FOXP1: variants seen among roughly 807,000 people sequenced by gnomAD.
FOXP1 encodes forkhead box P1.
Under a neutral mutation model 98.2 loss-of-function variants are expected in FOXP1, and 15 were observed. The ratio of observed to expected loss-of-function variants is 0.15; its 90% CI spans 0.10 to 0.24. The LOEUF (loss-of-function observed/expected upper bound fraction) is 0.24. FOXP1 is among the 10% of genes least tolerant of loss of function. The pLI is 1.00. For missense variants in FOXP1, 633 were observed against 848.5 expected, an observed-to-expected ratio of 0.75 and a Z score of 3.15; for synonymous variants, 371 against 314.5, an observed-to-expected ratio of 1.18 and a Z score of -1.90.
intron 3 of FOXP1, among the ~76,000 whole-genome samples, chr3:71,460,285 G>T (rs770218999): frequency 6.6e-6 from 1 of 151,996 alleles, no homozygotes; most frequent in Non-Finnish European, 1.5e-5. Flanking sequence ...TATCACCCAA[G>T]CTGGAATGCA....
chr3:71,073,972 C>T (rs1478156677), intron 7 of FOXP1, among the ~76,000 whole-genome samples: 1 of 152,178 alleles, frequency 6.6e-6, no homozygotes, highest in Non-Finnish European at 1.5e-5. Context: ...GCAGGAAATC[C>T]TCTAAAGAAG....
At chr3:71,525,036 T>G (rs1381529095) in intron 2 of FOXP1, among the ~76,000 whole-genome samples, 2 of 152,214 alleles carry the variant, frequency 1.3e-5, no homozygotes, top group African/African-American at 4.8e-5. Flanking sequence ...GATTCAGGCT[T>G]TATTACTCAA....
intron 5 of FOXP1, chr3:71,296,170 T>C (rs1346301729): frequency 6.6e-6 from 1 of 152,238 alleles, no homozygotes; most frequent in Non-Finnish European, 1.5e-5. Context: ...GTTATTCCCA[T>C]AGTACCTTTG....
chr3:71,339,368 A>G (rs2076876881), intron 4 of FOXP1, among the ~76,000 whole-genome samples: 1 of 152,222 alleles, frequency 6.6e-6, no homozygotes, highest in Admixed American at 6.5e-5. Context: ...GAGCATTTCA[A>G]CCACAAACCT....
chr3:71,535,056 G>A (rs932816616), intron 2 of FOXP1, among the ~76,000 whole-genome samples: 2 of 152,134 alleles, frequency 1.3e-5, no homozygotes, highest in Non-Finnish European at 2.9e-5. Context: ...CTTGGAGAAG[G>A]AGCAGGGAAG....
chr3:71,198,125 A>G (rs2063407896), intron 6 of FOXP1, 77 bp downstream of exon 6: 4 of 1,608,902 alleles, frequency 2.5e-6, no homozygotes. Flanking sequence ...TGATCGCGAG[A>G]TCGCGATTAA....
At chr3:71,153,027 G>A (rs1193362752) in intron 6 of FOXP1, among the ~76,000 whole-genome samples, 1 of 152,204 alleles carries the variant, frequency 6.6e-6, no homozygotes, top group Non-Finnish European at 1.5e-5. Context: ...AGAGCCCCAC[G>A]CTGGTCCATC....
chr3:71,116,096 T>C (rs2058357053), intron 6 of FOXP1, among the ~76,000 whole-genome samples: 1 of 152,182 alleles, frequency 6.6e-6, no homozygotes, highest in African/African-American at 2.4e-5. Flanking sequence ...AAGGAAAGTA[T>C]AGAACTTAAG....
At chr3:71,282,575 C>T (rs565376597) in intron 5 of FOXP1, among the ~76,000 whole-genome samples, 3 of 152,120 alleles carry the variant, frequency 2.0e-5, no homozygotes, top group African/African-American at 7.2e-5. Flanking sequence ...TCCTCAACTA[C>T]TTCACAGGGG....
chr3:71,414,305 C>T (rs2083028496), intron 3 of FOXP1, among the ~76,000 whole-genome samples: 1 of 152,348 alleles, frequency 6.6e-6, no homozygotes, highest in South Asian at 2.1e-4. Flanking sequence ...TGCAACAAGG[C>T]CACCGTCCTG....
intron 5 of FOXP1, among the ~76,000 whole-genome samples, chr3:71,231,284 T>C (rs748461961): frequency 5.3e-5 from 8 of 152,312 alleles, no homozygotes; most frequent in Non-Finnish European, 1.0e-4. Flanking sequence ...TGAGACATGA[T>C]AGCACCTGCA....
At chr3:71,349,698 T>C (rs1205490736) in intron 4 of FOXP1, among the ~76,000 whole-genome samples, 3 of 152,142 alleles carry the variant, frequency 2.0e-5, no homozygotes, top group Non-Finnish European at 4.4e-5. Flanking sequence ...AGTAGCTAAA[T>C]GGACATAACT....
intron 2 of FOXP1, among the ~76,000 whole-genome samples, chr3:71,552,150 G>C (rs906516318): frequency 1.3e-5 from 2 of 152,100 alleles, no homozygotes; most frequent in Non-Finnish European, 2.9e-5. Flanking sequence ...CAGTATTACT[G>C]AACATTATTC....
chr3:71,422,870 GCACA>G (rs376261519), intron 3 of FOXP1, among the ~76,000 whole-genome samples: 9 of 151,026 alleles, frequency 6.0e-5, no homozygotes, highest in African/African-American at 2.2e-4. Context: ...ACACAAGCGC[GCACA>G]CACACACACA....
intron 5 of FOXP1, chr3:71,288,289 A>G (rs1355577372): frequency 6.6e-6 from 1 of 152,216 alleles, no homozygotes; most frequent in African/African-American, 2.4e-5. Flanking sequence ...ATATAGAGAT[A>G]ATGTGTGTTT....
At chr3:71,279,788 C>A (rs2071314702) in intron 5 of FOXP1, among the ~76,000 whole-genome samples, 2 of 151,964 alleles carry the variant, frequency 1.3e-5, no homozygotes, top group Non-Finnish European at 2.9e-5. Context: ...ATACTCCTGG[C>A]AAGAGAAAAC....
rs970938558 is a variant in FOXP1 at position 71,529,454 on chromosome 3, T to C, written c.-297-35899A>G. 3.3e-5 allele frequency among the ~76,000 whole-genome samples: 5 copies of C among 152,192 alleles called. No individual in the cohort carries two copies. The South Asian group carries it at 6.2e-4, about 19-fold the overall frequency. On this transcript the variant is annotated intron_variant, in intron 2 of 20. Coordinates refer to ENST00000649528, the MANE Select transcript of FOXP1 (RefSeq NM_001349338.3). ...AACTTTGGAAACCCCAAAGTGATAA[T>C]TGTCTTTTTGTATGCCATGGCTGGG... is the stretch of plus-strand genomic sequence containing the variant.
intron 2 of FOXP1, among the ~76,000 whole-genome samples, chr3:71,539,278 AT>A (rs59674177): frequency 0.14 from 15,634 of 114,610 alleles, 1,198 homozygotes; most frequent in Non-Finnish European, 0.18. Context: ...TGCCCAGCTA[AT>A]TTTTTTTTTT....
intron 5 of FOXP1, among the ~76,000 whole-genome samples, chr3:71,246,143 C>A (rs192260134): frequency 6.6e-6 from 1 of 151,898 alleles, no homozygotes; most frequent in Admixed American, 6.6e-5. Context: ...CTGGCCCCGA[C>A]GCTGAGAAGG....
Sources: gnomAD v4.1 joint callset for allele counts (sites outside exome capture counted in the v4.1 genomes callset) on GRCh38, gnomAD v4.1.1 for gene constraint, MANE v1.5 for transcripts, NCBI Gene and HGNC (gene_info 2026-07-23, HGNC 2026-07-21) for gene names.